DNASE1: variants seen among roughly 807,000 people sequenced by gnomAD.
DNASE1 encodes deoxyribonuclease-1.
A neutral mutation model predicts 33.9 loss-of-function variants in DNASE1; 40 were observed. The observed-to-expected ratio is 1.18, with a 90% CI of 0.92 to 1.54. The LOEUF (loss-of-function observed/expected upper bound fraction) is 1.54. Ranked by LOEUF, DNASE1 falls within the 40% of genes most tolerant of loss-of-function variation. The pLI is 0.00. For synonymous variants in DNASE1, 216 were observed against 160.0 expected, an observed-to-expected ratio of 1.35 and a Z score of -2.64; for missense variants, 518 against 372.6, an observed-to-expected ratio of 1.39 and a Z score of -3.21.
At chr16:3,625,453 C>A in intron 1 of DNASE1, among the ~76,000 whole-genome samples, 1 of 148,722 alleles carries the variant, frequency 6.7e-6, no homozygotes, top group Non-Finnish European at 1.5e-5. Flanking sequence ...CCCATCGCTG[C>A]AAAAAAAAAA....
intron 1 of DNASE1, among the ~76,000 whole-genome samples, chr16:3,621,628 TAATG>T (rs1247817507): frequency 2.0e-5 from 3 of 152,250 alleles, no homozygotes; most frequent in Non-Finnish European, 4.4e-5. Flanking sequence ...TTTTGCAACT[TAATG>T]AACTGTCTTG....
chr16:3,636,598 G>A (rs548446455), intron 1 of DNASE1, among the ~76,000 whole-genome samples: 1 of 151,898 alleles, frequency 6.6e-6, no homozygotes, highest in Non-Finnish European at 1.5e-5. Flanking sequence ...GAGCGGGGAG[G>A]ATCGCTTGAG....
intron 1 of DNASE1, among the ~76,000 whole-genome samples, chr16:3,616,588 T>A (rs1275479189): frequency 6.6e-6 from 1 of 152,198 alleles, no homozygotes; most frequent in African/African-American, 2.4e-5. Context: ...AACACTGCAC[T>A]CCAGCCTGGG....
At chr16:3,653,841 A>ACATG (rs2042435158), upstream of DNASE1, 2 of 125,056 alleles carry the variant, frequency 1.6e-5, no homozygotes, top group Non-Finnish European at 1.7e-5. Context: ...AAAAAAAAAA[A>ACATG]CTGAGCATGG....
Position 3,617,248 on chromosome 16 carries a change from C to G in DNASE1, c.-1359+5242C>G, listed in dbSNP as rs150105818. Among the ~76,000 whole-genome samples the G allele has an allele frequency of 5.7e-3, 842 of 146,770 alleles. 6 individuals are homozygous for G. The highest frequency in any genetic ancestry group is 6.1e-3 in the South Asian group (28 of 4,608). ...GGCTGAGGCAGGAGAATCGCTTGAA[C>G]CCGGGAGATGGAGGTTGCGGTGAGC... On this transcript the variant is annotated intron_variant and NMD_transcript_variant, in intron 1 of 11. Coordinates refer to the DNASE1 transcript ENST00000570769.
chr16:3,649,493 C>T (rs1048362322), intron 1 of DNASE1, among the ~76,000 whole-genome samples: 1 of 152,110 alleles, frequency 6.6e-6, no homozygotes, highest in Non-Finnish European at 1.5e-5. Context: ...TTTTCAGTAG[C>T]AATTTGTAGA....
At chr16:3,663,758 C>G in exon 10 of DNASE1, 1 of 628,482 alleles carries the variant, frequency 1.6e-6, no homozygotes, top group South Asian at 2.0e-5. Flanking sequence ...GCCTTCAAGG[C>G]AGAAGCACTC....
At chr16:3,622,551 G>T (rs1161991761) in intron 1 of DNASE1, among the ~76,000 whole-genome samples, 2 of 152,078 alleles carry the variant, frequency 1.3e-5, no homozygotes, top group East Asian at 3.9e-4. Context: ...ACTCTATATT[G>T]TGGAAATGGA....
intron 1 of DNASE1, among the ~76,000 whole-genome samples, chr16:3,612,261 G>GT (rs1247717027): frequency 6.6e-6 from 1 of 152,106 alleles, no homozygotes; most frequent in Non-Finnish European, 1.5e-5. Context: ...TTTGTTGTTT[G>GT]TTTTTTGAGA....
chr16:3,662,842 A>G, downstream of DNASE1: 1 of 1,604,548 alleles, frequency 6.2e-7, no homozygotes, highest in Non-Finnish European at 8.5e-7. Flanking sequence ...TGTTAGGGAC[A>G]CTGCGGCCAA....
chr16:3,638,715 T>C (rs2041948474), upstream of DNASE1, among the ~76,000 whole-genome samples: 1 of 152,266 alleles, frequency 6.6e-6, no homozygotes, highest in South Asian at 2.1e-4. Flanking sequence ...TGCTTATTTC[T>C]TCAAATATTT....
At chr16:3,662,060 G>A (rs192869535), downstream of DNASE1, 93 of 1,613,424 alleles carry the variant, frequency 5.8e-5, no homozygotes, top group South Asian at 1.3e-4. Flanking sequence ...TGCTGCATGC[G>A]CAGGAAGTGG....
chr16:3,663,242 CCT>C (rs1260446144), exon 10 of DNASE1: 1 of 778,574 alleles, frequency 1.3e-6, no homozygotes, highest in Non-Finnish European at 2.0e-6. Context: ...TGGACAGACC[CCT>C]GATATCTAAA....
chr16:3,635,179 C>T lies in DNASE1; in HGVS notation c.-1358-5536C>T, dbSNP rs558850134. On this transcript the variant is annotated intron_variant and NMD_transcript_variant, in intron 1 of 11. Transcript: ENST00000570769. ...TAAGTTAAAAATAAGAAAAGTAGAC[C>T]GGGCGTGGTGGCTTTTGCCTGTAAT... 3.2e-4 allele frequency among the ~76,000 whole-genome samples: 49 copies of T among 152,046 alleles called. No homozygotes were observed. In the Middle Eastern group the frequency reaches 0.014, roughly 42 times the overall value.
Position 3,656,744 on chromosome 16 carries a change from C to A in DNASE1, c.427C>A (p.Arg143=), listed in dbSNP as rs374554105. Residue 143 remains arginine (R), a synonymous_variant, in exon 5 of 9, where the codon CGG becomes AGG. Transcript: ENST00000246949. ...REPAIVRFFS[R]FTEVREFAIV... ...GCCAGCCATTGTCAGGTTCTTCTCCCGGTTCACAGGTGGGTGCTGCCTGGG... is the reference window on the plus strand; with the variant it reads ...GCCAGCCATTGTCAGGTTCTTCTCCAGGTTCACAGGTGGGTGCTGCCTGGG... The A allele has an allele frequency of 2.2e-5, 36 of 1,607,632 alleles. No individual in the cohort carries two copies. The African/African-American group carries it at 4.4e-4, about 20-fold the overall frequency.
At chr16:3,651,034 C>G (rs2042320160), upstream of DNASE1, 1 of 152,222 alleles carries the variant, frequency 6.6e-6, no homozygotes, top group South Asian at 2.1e-4. Flanking sequence ...GGGGTGCCTC[C>G]GTGCAGGTTG....
chr16:3,613,495 T>A (rs2040982758), intron 1 of DNASE1, among the ~76,000 whole-genome samples: 1 of 152,186 alleles, frequency 6.6e-6, no homozygotes, highest in Non-Finnish European at 1.5e-5. Context: ...TACATTTGAT[T>A]CTGAATGTTG....
chr16:3,620,102 G>C (rs561169184), intron 1 of DNASE1, among the ~76,000 whole-genome samples: 1 of 151,978 alleles, frequency 6.6e-6, no homozygotes, highest in Admixed American at 6.5e-5. Flanking sequence ...TTTTAGTAGA[G>C]ATGAGGTTTC....
chr16:3,655,464 C>G lies in DNASE1; in HGVS notation c.91C>G (p.Gln31Glu), dbSNP rs77254040. The change falls in exon 2 of 9, where the codon CAG becomes GAG. Residue 31 changes from glutamine (Q) to glutamate (E), a missense_variant. Transcript: ENST00000246949. Reference protein sequence around the residue: ...VSLKIAAFNIQTFGETKMSNA... With the variant: ...VSLKIAAFNIETFGETKMSNA... ...CCTGAAGATCGCAGCCTTCAACATC[C>G]AGACATTTGGGGAGACCAAGATGTC... 1.1e-4 allele frequency: 173 copies of G among 1,614,154 alleles called. 1 individual carries two copies. In the East Asian group the frequency reaches 3.4e-3, roughly 31 times the overall value.
Sources: allele counts gnomAD v4.1 joint callset (sites outside exome capture counted in the v4.1 genomes callset), GRCh38; gene constraint gnomAD v4.1.1; transcripts MANE v1.5; gene names NCBI Gene and HGNC (gene_info 2026-07-23, HGNC 2026-07-21).